The following CHN2 variants were observed in gnomAD, a reference collection of about 807,000 sequenced individuals.
CHN2 encodes beta-chimaerin.
In CHN2, 35 loss-of-function variants were observed where a neutral mutation model predicts 56.3. That is an observed-to-expected ratio of 0.62 (90% CI 0.47 to 0.82). CHN2 has a LOEUF of 0.82. CHN2 is among the 40% of genes least tolerant of loss of function. CHN2 has a pLI of 0.00. For missense variants in CHN2, 491 were observed against 580.5 expected, an observed-to-expected ratio of 0.85 and a Z score of 1.58; for synonymous variants, 210 against 212.8, an observed-to-expected ratio of 0.99 and a Z score of 0.12.
intron 1 of CHN2, among the ~76,000 whole-genome samples, chr7:29,316,080 C>A (rs545759049): frequency 2.0e-5 from 3 of 152,314 alleles, no homozygotes; most frequent in African/African-American, 7.2e-5. Context: ...GGGCTCAGCA[C>A]GCAGCTGTCA....
At chr7:29,260,097 C>T (rs1049734490) in intron 1 of CHN2, among the ~76,000 whole-genome samples, 1 of 152,066 alleles carries the variant, frequency 6.6e-6, no homozygotes, top group Non-Finnish European at 1.5e-5. Context: ...CCTGCCTCAG[C>T]CTCCCAAGTA....
intron 6 of CHN2, among the ~76,000 whole-genome samples, chr7:29,455,747 G>A (rs1784701542): frequency 6.6e-6 from 1 of 152,178 alleles, no homozygotes. Context: ...TTTCTCCCTG[G>A]AGAGAACAGA....
chr7:29,329,803 C>A (rs747902543), intron 1 of CHN2, among the ~76,000 whole-genome samples: 97 of 152,304 alleles, frequency 6.4e-4, no homozygotes, highest in Middle Eastern at 3.4e-3. Context: ...TGAATTAGGT[C>A]ATTTAAAGTT....
At chr7:29,337,210 T>C (rs947303989) in intron 1 of CHN2, among the ~76,000 whole-genome samples, 2 of 152,188 alleles carry the variant, frequency 1.3e-5, no homozygotes, top group Non-Finnish European at 2.9e-5. Context: ...GGTGTGTAAA[T>C]ATACAATTCC....
intron 1 of CHN2, among the ~76,000 whole-genome samples, chr7:29,318,001 CAA>C (rs1352571119): frequency 4.6e-5 from 7 of 152,120 alleles, no homozygotes; most frequent in Non-Finnish European, 8.8e-5. Context: ...CAAAAACAAA[CAA>C]AAAACAGATG....
At position 29,182,233 on chromosome 7, in the gene CHN2, T is replaced by C. The variant is rs73306233; in HGVS notation, c.274+35273T>C. 6.9e-3 allele frequency among the ~76,000 whole-genome samples: 1,047 copies of C among 152,304 alleles called. 19 individuals are homozygous for C. Among genetic ancestry groups the C allele is most frequent in the African/African-American group, 0.024 (997 of 41,568 alleles). On this transcript the variant is annotated intron_variant, in intron 2 of 6. Transcript: ENST00000439384. ...TGCTCTACAGAAGAGAAGGTAATGA[T>C]AGAGTTTGAAAAATAGGAGCGCAGA...
At chr7:29,317,630 C>G (rs1183470143) in intron 1 of CHN2, among the ~76,000 whole-genome samples, 1 of 152,158 alleles carries the variant, frequency 6.6e-6, no homozygotes, top group Non-Finnish European at 1.5e-5. Flanking sequence ...GTTTTTAGCA[C>G]CTCTTTCGTA....
intron 6 of CHN2, among the ~76,000 whole-genome samples, chr7:29,474,495 C>G (rs1786424537): frequency 6.6e-6 from 1 of 152,170 alleles, no homozygotes; most frequent in Non-Finnish European, 1.5e-5. Flanking sequence ...CCAGTTCACA[C>G]AAACACCAGT....
chr7:29,223,440 A>G (rs759142247), intron 1 of CHN2, among the ~76,000 whole-genome samples: 1 of 152,044 alleles, frequency 6.6e-6, no homozygotes, highest in Non-Finnish European at 1.5e-5. Context: ...TCCCCATATC[A>G]ATCACTATGC....
At chr7:29,404,357 T>C (rs1464000976) in intron 6 of CHN2, among the ~76,000 whole-genome samples, 1 of 152,168 alleles carries the variant, frequency 6.6e-6, no homozygotes, top group Non-Finnish European at 1.5e-5. Context: ...ATAAATATGG[T>C]TTGTCATATT....
At chr7:29,295,242 G>C (rs977885346) in intron 1 of CHN2, among the ~76,000 whole-genome samples, 2 of 151,494 alleles carry the variant, frequency 1.3e-5, no homozygotes, top group South Asian at 4.2e-4. Flanking sequence ...TTTTTGATTT[G>C]TGGTTGGTTG....
intron 9 of CHN2, among the ~76,000 whole-genome samples, chr7:29,503,551 T>C (rs973126904): frequency 6.6e-6 from 1 of 152,142 alleles, no homozygotes; most frequent in Non-Finnish European, 1.5e-5. Flanking sequence ...GGAACTGAGA[T>C]GAATTCTGAG....
chr7:29,341,019 C>A (rs1797016106), intron 1 of CHN2, among the ~76,000 whole-genome samples: 1 of 152,162 alleles, frequency 6.6e-6, no homozygotes, highest in African/African-American at 2.4e-5. Flanking sequence ...AGTGTCTAGC[C>A]CCGTCTCTAT....
chr7:29,291,875 A>G (rs1450738584), intron 1 of CHN2, among the ~76,000 whole-genome samples: 6 of 152,178 alleles, frequency 3.9e-5, no homozygotes, highest in African/African-American at 1.4e-4. Flanking sequence ...TGTTTTCCAC[A>G]CTAAACCTGA....
intron 1 of CHN2, among the ~76,000 whole-genome samples, chr7:29,271,813 T>C (rs1248331389): frequency 6.6e-6 from 1 of 152,174 alleles, no homozygotes; most frequent in Non-Finnish European, 1.5e-5. Context: ...AACTGGAGTC[T>C]GATCATTTTG....
At chr7:29,448,243 A>G (rs1017333748) in intron 6 of CHN2, among the ~76,000 whole-genome samples, 1 of 150,826 alleles carries the variant, frequency 6.6e-6, no homozygotes, top group Admixed American at 6.6e-5. Flanking sequence ...CTCTTTCCTT[A>G]TTTTTGAAAC....
chr7:29,170,414 G>A (rs1363516747), intron 2 of CHN2, among the ~76,000 whole-genome samples: 6 of 152,034 alleles, frequency 3.9e-5, no homozygotes, highest in Non-Finnish European at 8.8e-5. Flanking sequence ...CCAAAGATTT[G>A]CCCTTTCTTT....
intron 1 of CHN2, among the ~76,000 whole-genome samples, chr7:29,306,307 G>A (rs1562905463): frequency 6.6e-6 from 1 of 152,164 alleles, no homozygotes. Context: ...TGCAGTCAAG[G>A]TAAGCATTTG....
At chr7:29,364,173 A>T (rs889253747) in intron 2 of CHN2, among the ~76,000 whole-genome samples, 1 of 152,214 alleles carries the variant, frequency 6.6e-6, no homozygotes, top group Admixed American at 6.5e-5. Flanking sequence ...AGAAGATTCA[A>T]TACATGTTAT....
Sources: allele counts gnomAD v4.1 joint callset (sites outside exome capture counted in the v4.1 genomes callset), GRCh38; gene constraint gnomAD v4.1.1; transcripts MANE v1.5; gene names NCBI Gene and HGNC (gene_info 2026-07-23, HGNC 2026-07-21).